ATG4A: variants seen among roughly 807,000 people sequenced by gnomAD.
ATG4A encodes cysteine protease ATG4A.
In ATG4A, 22 loss-of-function variants were observed where a neutral mutation model predicts 38.4. The ratio of observed to expected loss-of-function variants is 0.57; its 90% CI spans 0.41 to 0.82. ATG4A has a LOEUF of 0.82. ATG4A is among the 40% of genes least tolerant of loss of function. ATG4A has a pLI of 0.00. For missense variants in ATG4A, 220 were observed against 290.0 expected (o/e 0.76, Z 1.75); for synonymous variants, 86 against 100.7 (o/e 0.85, Z 0.88).
intron 4 of ATG4A, among the ~76,000 whole-genome samples, chrX:108,133,412 G>A (rs938392118): frequency 1.8e-5 from 2 of 112,617 alleles, no homozygotes; most frequent in African/African-American, 6.4e-5. Context: ...CCGTACAGAT[G>A]CAGTTATTTT....
At chrX:108,112,443 G>T (rs1269739526) in intron 1 of ATG4A, among the ~76,000 whole-genome samples, 1 of 108,415 alleles carries the variant, frequency 9.2e-6, no homozygotes, top group Admixed American at 9.8e-5. Flanking sequence ...CCTGGCTGGA[G>T]TGCAGTGGCG....
intron 9 of ATG4A, among the ~76,000 whole-genome samples, chrX:108,143,484 G>A (rs2033353032): frequency 9.0e-6 from 1 of 111,475 alleles, no homozygotes; most frequent in African/African-American, 3.3e-5. Context: ...TGGATCTCCT[G>A]TATTCCATGC....
chrX:108,153,808 T>C lies in ATG4A; in HGVS notation c.*96T>C. The C allele has an allele frequency of 4.6e-6, 3 of 645,426 alleles. No individual in the cohort carries two copies. The highest frequency in any genetic ancestry group is 5.0e-6 in the Non-Finnish European group (2 of 396,068). 53.2% of individuals were successfully genotyped at this position (645,426 alleles called of 1,213,427 possible). On this transcript the variant is annotated 3_prime_UTR_variant, in exon 13 of 13. Transcript: ENST00000372232. ...ACTTTTCTAGTCAGCAAGTGCCTGA[T>C]ATGCCAATAGCATACAAACTCAATA...
At chrX:108,094,711 G>A (rs1413297924) in intron 1 of ATG4A, among the ~76,000 whole-genome samples, 1 of 112,069 alleles carries the variant, frequency 8.9e-6, no homozygotes, top group Non-Finnish European at 1.9e-5. Context: ...TATTCATTGC[G>A]TGGAATAGAA....
chrX:108,117,434 A>G (rs950044783), intron 1 of ATG4A, among the ~76,000 whole-genome samples: 5 of 112,235 alleles, frequency 4.5e-5, no homozygotes, highest in Non-Finnish European at 9.4e-5. Flanking sequence ...GGAAAACTGA[A>G]GAAGAATGAT....
At chrX:108,106,183 G>A (rs1203834022) in intron 1 of ATG4A, among the ~76,000 whole-genome samples, 1 of 109,619 alleles carries the variant, frequency 9.1e-6, no homozygotes, top group African/African-American at 3.3e-5. Context: ...TTTGACCAAC[G>A]GATTATTTAG....
At chrX:108,125,884 A>G (rs1771906446) in intron 1 of ATG4A, among the ~76,000 whole-genome samples, 193 bp from the exon 2 acceptor site, 1 of 112,016 alleles carries the variant, frequency 8.9e-6, no homozygotes, top group Non-Finnish European at 1.9e-5. Flanking sequence ...GTCAAAAGAG[A>G]TGGTCAAGAG....
At chrX:108,126,809 C>T (rs1476421956) in intron 2 of ATG4A, 9 of 961,282 alleles carry the variant, frequency 9.4e-6, no homozygotes, top group Non-Finnish European at 1.2e-5. Flanking sequence ...AAAGAAAGAC[C>T]TTTTAACCTG....
chrX:108,091,267 G>T, upstream of ATG4A: 1 of 531,747 alleles, frequency 1.9e-6, no homozygotes, highest in South Asian at 2.8e-5. Flanking sequence ...GTCCCGAGGT[G>T]ACCCAGGGGG....
At chrX:108,146,909 G>A (rs2033439161) in intron 9 of ATG4A, among the ~76,000 whole-genome samples, 1 of 112,007 alleles carries the variant, frequency 8.9e-6, no homozygotes, top group Admixed American at 9.4e-5. Context: ...AACATAGTGG[G>A]CCCAAATCAA....
chrX:108,101,452 C>A (rs1923893526), intron 1 of ATG4A, among the ~76,000 whole-genome samples: 1 of 107,831 alleles, frequency 9.3e-6, no homozygotes, highest in Non-Finnish European at 1.9e-5. Context: ...TCTTACTTTT[C>A]TAGTTCCTTA....
chrX:108,120,551 C>A (rs2032623188), intron 1 of ATG4A, among the ~76,000 whole-genome samples: 1 of 112,240 alleles, frequency 8.9e-6, no homozygotes, highest in Admixed American at 9.4e-5. Context: ...TTTTCAAAAG[C>A]CTCACTTTAA....
At chrX:108,098,578 G>A (rs192229704) in intron 1 of ATG4A, among the ~76,000 whole-genome samples, 1 of 107,587 alleles carries the variant, frequency 9.3e-6, no homozygotes, top group South Asian at 4.0e-4. Flanking sequence ...AACCATTATC[G>A]CAATCAAGAA....
At position 108,137,919 on chromosome X, in the gene ATG4A, A is replaced by T; in HGVS notation, c.663A>T (p.Lys221Asn). 3.3e-6 allele frequency: 4 copies of T among 1,208,073 alleles called. No individual in the cohort carries two copies. The highest frequency in any genetic ancestry group is 4.5e-6 in the Non-Finnish European group (4 of 894,062). Residue 221 changes from lysine (K) to asparagine (N), a missense_variant, in exon 8 of 13, where the codon AAA becomes AAT. Coordinates refer to ENST00000372232, the MANE Select transcript of ATG4A (RefSeq NM_052936.5). ...CCTCTGCCTACTGCTCAGCCTGGAAACCCCTGCTGCTCATTGTGCCCCTTC... is the reference window on the plus strand; with the variant it reads ...CCTCTGCCTACTGCTCAGCCTGGAATCCCCTGCTGCTCATTGTGCCCCTTC... ...KGTSAYCSAW[K>N]PLLLIVPLRL...
At chrX:108,098,966 T>C (rs2031919081) in intron 1 of ATG4A, among the ~76,000 whole-genome samples, 1 of 111,658 alleles carries the variant, frequency 9.0e-6, no homozygotes, top group South Asian at 3.7e-4. Context: ...CAGTGTTTTG[T>C]GTAGATGGAA....
chrX:108,122,265 C>A (rs1235925641), intron 1 of ATG4A, among the ~76,000 whole-genome samples: 1 of 111,715 alleles, frequency 9.0e-6, no homozygotes, highest in African/African-American at 3.3e-5. Flanking sequence ...AGTCAATTGC[C>A]GGAAGCCATA....
At chrX:108,135,724 C>A (rs748868349) in intron 6 of ATG4A, among the ~76,000 whole-genome samples, 1 of 110,967 alleles carries the variant, frequency 9.0e-6, no homozygotes, top group Non-Finnish European at 1.9e-5. Flanking sequence ...AAAATAACAT[C>A]CCTCAGAATT....
intron 1 of ATG4A, among the ~76,000 whole-genome samples, chrX:108,096,130 A>C (rs1157714894): frequency 8.9e-6 from 1 of 112,737 alleles, no homozygotes; most frequent in Admixed American, 9.4e-5. Flanking sequence ...ACAGCATGGG[A>C]AGTGGATAAA....
At chrX:108,111,017 T>C (rs1423264703) in intron 1 of ATG4A, among the ~76,000 whole-genome samples, 1 of 111,097 alleles carries the variant, frequency 9.0e-6, no homozygotes, top group Non-Finnish European at 1.9e-5. Context: ...GATCCTCTCA[T>C]TTCAGCCTCC....
Sources: gnomAD v4.1 joint callset for allele counts (sites outside exome capture counted in the v4.1 genomes callset) on GRCh38, gnomAD v4.1.1 for gene constraint, MANE v1.5 for transcripts, NCBI Gene and HGNC (gene_info 2026-07-23, HGNC 2026-07-21) for gene names.